The following FLVCR1 variants were observed in gnomAD, a reference collection of about 807,000 sequenced individuals.
FLVCR1 encodes FLVCR choline and heme transporter 1, also known as choline/ethanolamine transporter FLVCR1.
A neutral mutation model predicts 53.6 loss-of-function variants in FLVCR1; 34 were observed. The observed-to-expected ratio is 0.63, with a 90% confidence interval of 0.48 to 0.84. The LOEUF is 0.84. Among genes scored for constraint, FLVCR1 ranks in the 40% least tolerant of loss-of-function variants. FLVCR1 has a pLI of 0.00. For missense variants in FLVCR1, 677 were observed against 696.7 expected, an observed-to-expected ratio of 0.97 and a Z score of 0.32; for synonymous variants, 300 against 286.3, an observed-to-expected ratio of 1.05 and a Z score of -0.48.
At position 212,895,030 on chromosome 1, in the gene FLVCR1, A is replaced by AT. The variant is rs1426169425; in HGVS notation, c.1572dup (p.Thr525TyrfsTer4). Reference sequence around the variant, plus strand: ...GCGAAGACACAACATAAATATAGGAATTACAAATGTTGATGTTAAAGCTGT... The same window carrying AT: ...GCGAAGACACAACATAAATATAGGAATTTACAAATGTTGATGTTAAAGCTGT... On this transcript the variant is annotated frameshift_variant, in exon 9 of 10. Transcript: ENST00000366971. LOFTEE classifies it low-confidence loss of function (END_TRUNC). 3.1e-6 allele frequency: 5 copies of AT among 1,592,648 alleles called. No homozygotes were observed. The highest frequency in any genetic ancestry group is 4.3e-6 in the Non-Finnish European group (5 of 1,160,482).
At chr1:212,880,146 G>A (rs999327024) in intron 3 of FLVCR1, among the ~76,000 whole-genome samples, 5 of 152,132 alleles carry the variant, frequency 3.3e-5, no homozygotes, top group Non-Finnish European at 5.9e-5. Context: ...CGTGGTCCAC[G>A]TGCATTCTTG....
rs1246092639 is a variant in FLVCR1 at position 212,859,440 on chromosome 1, G to A, written c.738+250G>A. ...TACCTATAAAATAATTAACTGGGCC[G>A]GGCGCGGTGGCACACACCTGTAATC... On this transcript the variant is annotated intron_variant, in intron 1 of 9. Coordinates refer to ENST00000366971, the MANE Select transcript of FLVCR1 (RefSeq NM_014053.4). Among the ~76,000 whole-genome samples, 3 of 152,150 alleles carry A rather than the reference G, an allele frequency of 2.0e-5. No homozygotes were observed. In the East Asian group the frequency reaches 5.8e-4, roughly 29 times the overall value.
At chr1:212,861,843 G>A (rs1466609520) in intron 1 of FLVCR1, among the ~76,000 whole-genome samples, 2 of 151,872 alleles carry the variant, frequency 1.3e-5, no homozygotes, top group Admixed American at 1.3e-4. Context: ...CTAATTTTTT[G>A]TATTTTTTAG....
chr1:212,888,676 T>C lies in FLVCR1; in HGVS notation c.1413+82T>C, dbSNP rs1665118030. On this transcript the variant is annotated intron_variant, in intron 7 of 9. Transcript: ENST00000366971. ...GTAATGAGTTTGACCATGGTTTTAT[T>C]TGTTGTTGTTGTTGTTTTGTTTTTT... is the stretch of plus-strand genomic sequence containing the variant. 4.4e-6 allele frequency: 4 copies of C among 906,384 alleles called. No individual in the cohort carries two copies. The African/African-American group carries it at 1.3e-4, about 28-fold the overall frequency. 56.1% of individuals were successfully genotyped at this position (906,384 alleles called of 1,614,324 possible).
chr1:212,879,944 A>G (rs917229561), intron 3 of FLVCR1, among the ~76,000 whole-genome samples: 1 of 151,324 alleles, frequency 6.6e-6, no homozygotes, highest in Non-Finnish European at 1.5e-5. Flanking sequence ...TGAAACTTAG[A>G]TACCATACTC....
intron 6 of FLVCR1, among the ~76,000 whole-genome samples, 189 bp from the exon 7 acceptor site, chr1:212,888,300 T>G (rs929026383): frequency 6.6e-6 from 1 of 152,218 alleles, no homozygotes; most frequent in Non-Finnish European, 1.5e-5. Flanking sequence ...AAAATGTGTA[T>G]TTGTTGCTTC....
intron 3 of FLVCR1, among the ~76,000 whole-genome samples, chr1:212,874,916 T>TACACAA (rs1553264374): frequency 6.7e-6 from 1 of 149,362 alleles, no homozygotes; most frequent in Non-Finnish European, 1.5e-5. Context: ...GTCACAGACG[T>TACACAA]ACACACACAC....
chr1:212,888,797 C>A (rs772454738), intron 7 of FLVCR1, among the ~76,000 whole-genome samples: 1 of 152,064 alleles, frequency 6.6e-6, no homozygotes, highest in Non-Finnish European at 1.5e-5. Flanking sequence ...CAATCCTCCC[C>A]CCTCTGCCTC....
chr1:212,876,703 G>A (rs1215899149), intron 3 of FLVCR1, among the ~76,000 whole-genome samples: 1 of 152,128 alleles, frequency 6.6e-6, no homozygotes, highest in Admixed American at 6.6e-5. Context: ...ATTCCATGGT[G>A]TAAACATACC....
At chr1:212,887,823 G>A in intron 5 of FLVCR1, 68 bp from the exon 6 acceptor site, 1 of 821,342 alleles carries the variant, frequency 1.2e-6, no homozygotes. Flanking sequence ...GAACAGGTAA[G>A]AGTGATGATT....
At chr1:212,881,702 T>C (rs1274438954) in intron 3 of FLVCR1, among the ~76,000 whole-genome samples, 1 of 152,124 alleles carries the variant, frequency 6.6e-6, no homozygotes, top group Non-Finnish European at 1.5e-5. Context: ...TAAAGAAGTA[T>C]ATTGATAAAT....
chr1:212,869,817 G>A (rs1464675092), intron 2 of FLVCR1, among the ~76,000 whole-genome samples: 2 of 152,242 alleles, frequency 1.3e-5, no homozygotes, highest in Non-Finnish European at 2.9e-5. Context: ...GATTAGAGGC[G>A]TGAGCCTCTG....
intron 2 of FLVCR1, among the ~76,000 whole-genome samples, chr1:212,868,595 G>A (rs1247925556): frequency 3.9e-5 from 6 of 151,992 alleles, no homozygotes; most frequent in African/African-American, 1.2e-4. Flanking sequence ...TTTTAGTAGA[G>A]GCAGGGTTTC....
chr1:212,887,581 G>A (rs984111817), intron 5 of FLVCR1, among the ~76,000 whole-genome samples: 2 of 152,176 alleles, frequency 1.3e-5, no homozygotes, highest in Non-Finnish European at 2.9e-5. Context: ...GAAGGCATTT[G>A]GAAGAGGTAG....
chr1:212,875,477 G>A lies in FLVCR1; in HGVS notation c.1024+2659G>A, dbSNP rs371047093. Among the ~76,000 whole-genome samples, 5 of 152,246 alleles carry A rather than the reference G, an allele frequency of 3.3e-5. No homozygotes were observed. In the East Asian group the frequency reaches 5.8e-4, roughly 18 times the overall value. ...GGAGGAAGAAAATGGCACCAGCGAG[G>A]GTGTTAGATGGTGCCTTCAGTGAAT... On this transcript the variant is annotated intron_variant, in intron 3 of 9. Transcript: ENST00000366971.
At chr1:212,891,210 AC>A (rs1371935665) in intron 8 of FLVCR1, among the ~76,000 whole-genome samples, 1 of 152,140 alleles carries the variant, frequency 6.6e-6, no homozygotes, top group African/African-American at 2.4e-5. Flanking sequence ...GGAGTTCAAG[AC>A]CAGCCTGACC....
chr1:212,890,986 T>TGATATTTA (rs1665176807), intron 8 of FLVCR1, among the ~76,000 whole-genome samples: 1 of 152,192 alleles, frequency 6.6e-6, no homozygotes, highest in African/African-American at 2.4e-5. Flanking sequence ...TTTCCCCCTG[T>TGATATTTA]CCAGTTAGTA....
intron 3 of FLVCR1, among the ~76,000 whole-genome samples, chr1:212,882,758 A>C (rs1010565335): frequency 6.6e-6 from 1 of 151,530 alleles, no homozygotes; most frequent in Non-Finnish European, 1.5e-5. Context: ...TCTCATAGCC[A>C]GTTGTTTTTA....
chr1:212,859,650 G>A (rs3768550), intron 1 of FLVCR1, among the ~76,000 whole-genome samples: 70,318 of 151,734 alleles, frequency 0.46, 17,521 homozygotes, highest in Non-Finnish European at 0.56. Context: ...CCCGGGAGGT[G>A]GAGGTTGCAG....
Sources: gnomAD v4.1 joint callset for allele counts (sites outside exome capture counted in the v4.1 genomes callset) on GRCh38, gnomAD v4.1.1 for gene constraint, MANE v1.5 for transcripts, NCBI Gene and HGNC (gene_info 2026-07-23, HGNC 2026-07-21) for gene names.